COL4A6: variants seen among roughly 807,000 people sequenced by gnomAD.
COL4A6 encodes collagen alpha-6(IV) chain.
A neutral mutation model predicts 126.7 loss-of-function variants in COL4A6; 59 were observed. The observed-to-expected ratio is 0.47, with a 90% CI of 0.38 to 0.58. The LOEUF is 0.58. COL4A6 is among the 20% of genes least tolerant of loss of function. The pLI is 0.00. For synonymous variants in COL4A6, 547 were observed against 496.6 expected, an observed-to-expected ratio of 1.10 and a Z score of -1.35; for missense variants, 1,285 against 1,337.3, an observed-to-expected ratio of 0.96 and a Z score of 0.61.
chrX:108,169,971 C>A lies in COL4A6; in HGVS notation c.3539G>T (p.Gly1180Val). Reference protein sequence around the residue: ...PGLHGLNGLPGTKGTHGTPGP... With the variant: ...PGLHGLNGLPVTKGTHGTPGP... The stretch of plus-strand genomic sequence containing the variant: ...TGGAGTGCCATGGGTACCCTTGGTG[C>A]CCGGAAGCCCATTCAGTCCATGTAA... The change falls in exon 36 of 45, where the codon GGC becomes GTC. Residue 1180 changes from glycine to valine, a missense_variant. Coordinates refer to ENST00000334504, the MANE Select transcript of COL4A6 (RefSeq NM_033641.4). 1 of 1,189,992 alleles carries A rather than the reference C, an allele frequency of 8.4e-7. No individual in the cohort carries two copies. The highest frequency in any genetic ancestry group is 1.7e-5 in the African/African-American group (1 of 57,144).
intron 21 of COL4A6, 64 bp downstream of exon 21, chrX:108,188,453 G>A: frequency 2.0e-6 from 2 of 992,528 alleles, no homozygotes; most frequent in African/African-American, 2.0e-5. Flanking sequence ...AAGTAACTGG[G>A]GGGATTGAAG....
At chrX:108,259,629 T>A (rs1261019226) in intron 3 of COL4A6, among the ~76,000 whole-genome samples, 1 of 111,838 alleles carries the variant, frequency 8.9e-6, no homozygotes, top group African/African-American at 3.2e-5. Context: ...AATAAGAGGA[T>A]TAAGGTTGAG....
intron 3 of COL4A6, among the ~76,000 whole-genome samples, chrX:108,294,469 G>C (rs1384016108): frequency 3.8e-5 from 4 of 106,619 alleles, no homozygotes; most frequent in Non-Finnish European, 5.8e-5. Context: ...GCAGTTGCTA[G>C]GGACACCAAA....
chrX:108,335,709 T>C (rs942651970), intron 2 of COL4A6, among the ~76,000 whole-genome samples: 2 of 110,821 alleles, frequency 1.8e-5, no homozygotes, highest in African/African-American at 6.6e-5. Context: ...TTTCTGGAAA[T>C]TCCGACTACT....
intron 2 of COL4A6, among the ~76,000 whole-genome samples, chrX:108,430,271 G>C (rs1236612738): frequency 8.9e-6 from 1 of 111,831 alleles, no homozygotes; most frequent in East Asian, 2.8e-4. Context: ...AAAGAGATGT[G>C]AAAGAATATA....
intron 42 of COL4A6, among the ~76,000 whole-genome samples, chrX:108,161,057 C>T (rs988569777): frequency 4.5e-5 from 5 of 111,819 alleles, no homozygotes; most frequent in East Asian, 2.8e-4. Context: ...TCAGAGTCAT[C>T]GAAAGCAGGG....
chrX:108,324,440 T>C (rs1345737136), intron 2 of COL4A6, among the ~76,000 whole-genome samples: 1 of 112,006 alleles, frequency 8.9e-6, no homozygotes, highest in African/African-American at 3.3e-5. Flanking sequence ...TTTTCTTCTG[T>C]TAGTAAGAAT....
intron 2 of COL4A6, among the ~76,000 whole-genome samples, chrX:108,317,019 A>T (rs907854709): frequency 2.7e-5 from 3 of 112,552 alleles, no homozygotes; most frequent in Non-Finnish European, 1.9e-5. Context: ...AGGATTACTC[A>T]AGCTGCCATG....
intron 2 of COL4A6, among the ~76,000 whole-genome samples, chrX:108,319,224 G>T (rs2038961057): frequency 8.9e-6 from 1 of 112,123 alleles, no homozygotes; most frequent in African/African-American, 3.2e-5. Context: ...AAAAAAATTA[G>T]ACAGGTGTGA....
At chrX:108,250,200 C>A (rs2036817286) in intron 3 of COL4A6, among the ~76,000 whole-genome samples, 1 of 110,969 alleles carries the variant, frequency 9.0e-6, no homozygotes, top group African/African-American at 3.3e-5. Flanking sequence ...TAGCTGTTCT[C>A]TATAGAGTAC....
At chrX:108,366,429 C>T (rs767709238) in intron 2 of COL4A6, among the ~76,000 whole-genome samples, 1 of 112,274 alleles carries the variant, frequency 8.9e-6, no homozygotes, top group South Asian at 3.7e-4. Context: ...ATTATCTTCA[C>T]ATTATTCCAA....
chrX:108,220,094 G>A (rs1172289789), intron 4 of COL4A6, among the ~76,000 whole-genome samples: 1 of 111,567 alleles, frequency 9.0e-6, no homozygotes, highest in African/African-American at 3.3e-5. Context: ...AGGTCCCCTA[G>A]CCGAACAACT....
intron 2 of COL4A6, among the ~76,000 whole-genome samples, chrX:108,389,824 C>T (rs762695754): frequency 1.8e-5 from 2 of 111,424 alleles, no homozygotes; most frequent in Non-Finnish European, 1.9e-5. Context: ...TTCACAGCGT[C>T]GATGGTCTTT....
chrX:108,187,940 G>A lies in COL4A6; in HGVS notation c.1675C>T (p.Arg559Trp), dbSNP rs1453673529. 2.5e-6 allele frequency: 3 copies of A among 1,207,598 alleles called. No homozygotes were observed. The highest frequency in any genetic ancestry group is 3.0e-5 in the East Asian group (1 of 33,693). Residue 559 changes from arginine to tryptophan, a missense_variant, in exon 22 of 45, where the codon CGG becomes TGG. Coordinates refer to ENST00000334504, the MANE Select transcript of COL4A6 (RefSeq NM_033641.4). ...LSTIQGMPGD[R>W]GDSGSQGFRG... ...AAGCCCTGGGAGCCAGAATCACCCCGATCTCCTGGCATTCCTTGGATTGTA... is the reference window on the plus strand; with the variant it reads ...AAGCCCTGGGAGCCAGAATCACCCCAATCTCCTGGCATTCCTTGGATTGTA...
intron 27 of COL4A6, 71 bp from the exon 28 acceptor site, chrX:108,177,082 A>G (rs2148110262): frequency 2.0e-6 from 2 of 988,102 alleles, no homozygotes; most frequent in Non-Finnish European, 2.8e-6. Flanking sequence ...GCCACTGCCT[A>G]TATCATAGCT....
intron 13 of COL4A6, among the ~76,000 whole-genome samples, chrX:108,196,901 C>T (rs1269158318): frequency 8.9e-6 from 1 of 112,153 alleles, no homozygotes; most frequent in Non-Finnish European, 1.9e-5. Flanking sequence ...AAACCAACAT[C>T]TAGATGGGTT....
chrX:108,382,957 G>C (rs1221379993), intron 2 of COL4A6, among the ~76,000 whole-genome samples: 1 of 33,194 alleles, frequency 3.0e-5, no homozygotes, highest in African/African-American at 9.5e-5. Context: ...CCATTCCCCC[G>C]CCAAAAATAA....
chrX:108,426,941 G>A (rs757404825), intron 2 of COL4A6, among the ~76,000 whole-genome samples: 6 of 111,686 alleles, frequency 5.4e-5, no homozygotes, highest in South Asian at 3.7e-4. Flanking sequence ...AATTAAATAC[G>A]GAACCCCCAA....
At chrX:108,350,923 T>A (rs1268536142) in intron 2 of COL4A6, among the ~76,000 whole-genome samples, 1 of 111,406 alleles carries the variant, frequency 9.0e-6, no homozygotes, top group African/African-American at 3.3e-5. Context: ...TTCTCAAGAG[T>A]CAGAACTCAG....
Sources: gnomAD v4.1 joint callset for allele counts (sites outside exome capture counted in the v4.1 genomes callset) on GRCh38, gnomAD v4.1.1 for gene constraint, MANE v1.5 for transcripts, NCBI Gene and HGNC (gene_info 2026-07-23, HGNC 2026-07-21) for gene names.